TBX20: variants seen among roughly 807,000 people sequenced by gnomAD.
TBX20 encodes the protein T-box transcription factor TBX20.
A neutral mutation model predicts 42.9 loss-of-function variants in TBX20; 8 were observed. The observed-to-expected ratio is 0.19, with a 90% CI of 0.11 to 0.34. TBX20 has a LOEUF of 0.34. Ranked by LOEUF, TBX20 falls within the 10% of genes least tolerant of loss-of-function variation. TBX20 has a pLI of 1.00. For missense variants in TBX20, 411 were observed against 566.0 expected, an observed-to-expected ratio of 0.73 and a Z score of 2.78; for synonymous variants, 198 against 222.8, an observed-to-expected ratio of 0.89 and a Z score of 0.99.
In TBX20 at chr7:35,249,425, C is replaced by T. The variant is rs1186438083; in HGVS notation, c.380+526G>A. ...CTGGCCAAAGCCCGCCCGGCTCTGG[C>T]GCCAAGAGGCCCCGAGCAGTGCTCC... On this transcript the variant is annotated intron_variant, in intron 2 of 7. Transcript: ENST00000408931. The surrounding 1 kb of genome is among the most constrained non-coding windows in gnomAD (Gnocchi z 4.3). Among the ~76,000 whole-genome samples the T allele has an allele frequency of 6.6e-6, 1 of 152,256 alleles. No homozygotes were observed. Among genetic ancestry groups the T allele is most frequent in the East Asian group, 1.9e-4 (1 of 5,194 alleles).
At chr7:35,242,474 C>G (rs575379590) in intron 4 of TBX20, among the ~76,000 whole-genome samples, 1 of 152,164 alleles carries the variant, frequency 6.6e-6, no homozygotes, top group South Asian at 2.1e-4. Flanking sequence ...AGCAGCAAAA[C>G]CAAACATTTT....
chr7:35,253,448 C>T (rs370555343), intron 1 of TBX20, 46 bp downstream of exon 1: 3 of 1,585,610 alleles, frequency 1.9e-6, no homozygotes, highest in African/African-American at 1.3e-5. Context: ...CAGACGGATG[C>T]GCAGCATCCC....
At chr7:35,225,278 C>T (rs1375643460) in intron 6 of TBX20, among the ~76,000 whole-genome samples, 1 of 151,918 alleles carries the variant, frequency 6.6e-6, no homozygotes, top group East Asian at 1.9e-4. Context: ...ATGTGAGTCA[C>T]ATATGTAATT....
intron 6 of TBX20, among the ~76,000 whole-genome samples, chr7:35,224,515 A>G (rs573860598): frequency 1.1e-4 from 17 of 152,376 alleles, no homozygotes; most frequent in African/African-American, 3.4e-4. Context: ...TCTACTAAAA[A>G]TACAAAATTA....
At chr7:35,228,971 T>C (rs1429284182) in intron 6 of TBX20, among the ~76,000 whole-genome samples, 1 of 152,118 alleles carries the variant, frequency 6.6e-6, no homozygotes, top group Non-Finnish European at 1.5e-5. Flanking sequence ...CTAGTAAAAT[T>C]AGAGCAAGAA....
chr7:35,203,258 G>A (rs192207582), intron 7 of TBX20, among the ~76,000 whole-genome samples: 8 of 152,194 alleles, frequency 5.3e-5, no homozygotes, highest in Admixed American at 2.0e-4. Flanking sequence ...TTTTCTGACT[G>A]TATACAGTTG....
intron 6 of TBX20, among the ~76,000 whole-genome samples, chr7:35,217,002 C>T (rs1205626135): frequency 1.3e-5 from 2 of 151,886 alleles, no homozygotes; most frequent in African/African-American, 4.8e-5. Flanking sequence ...TTCGTAACTT[C>T]CACGAAATAT....
chr7:35,223,574 T>C (rs1185253866), intron 6 of TBX20, among the ~76,000 whole-genome samples: 5 of 151,880 alleles, frequency 3.3e-5, no homozygotes, highest in Non-Finnish European at 7.4e-5. Context: ...GAAGACTGAG[T>C]GGTCTGGGAA....
rs149868876 is a variant in TBX20 at position 35,232,645 on chromosome 7, A to C, written c.814-1065T>G. On this transcript the variant is annotated intron_variant, in intron 5 of 7. Coordinates refer to ENST00000408931, the MANE Select transcript of TBX20 (RefSeq NM_001077653.2). ...TCATCTCTAGAGAGAAATGCATGCT[A>C]AAGATTCTTAACAGGGGAAAAAAGT... Among the ~76,000 whole-genome samples, 292 of 152,348 alleles carry C rather than the reference A, an allele frequency of 1.9e-3. 1 individual carries two copies. Among genetic ancestry groups the C allele is most frequent in the African/African-American group, 6.8e-3 (281 of 41,594 alleles).
chr7:35,249,586 G>A lies in TBX20; in HGVS notation c.380+365C>T, dbSNP rs1223707660. ...CTACTCACCTACCTAGAAGCACCCAGCAGCTCACCAGGCACCCAGGCACAA... is the reference window on the plus strand; with the variant it reads ...CTACTCACCTACCTAGAAGCACCCAACAGCTCACCAGGCACCCAGGCACAA... On this transcript the variant is annotated intron_variant, in intron 2 of 7. Coordinates refer to ENST00000408931, the MANE Select transcript of TBX20 (RefSeq NM_001077653.2). The surrounding 1 kb of genome is among the most constrained non-coding windows in gnomAD (Gnocchi z 4.3). Among the ~76,000 whole-genome samples, 1 of 152,192 alleles carries A rather than the reference G, an allele frequency of 6.6e-6. No individual in the cohort carries two copies. The highest frequency in any genetic ancestry group is 2.4e-5 in the African/African-American group (1 of 41,444).
rs1170262156 is a variant in TBX20, at chr7:35,253,606, C to T, written c.15G>A (p.Ala5=). ...GAGAGGAGAGTTGGGGCTTGGGGGA[C>T]GCCGTGAACTCCATGGTCCCCAGCA... MEFT[A]SPKPQLSSRA... The change falls in exon 1 of 8, where the codon GCG becomes GCA. Residue 5 remains alanine, a synonymous_variant. Transcript: ENST00000408931. The T allele has an allele frequency of 6.2e-7, 1 of 1,611,714 alleles. No individual in the cohort carries two copies. Among genetic ancestry groups the T allele is most frequent in the Non-Finnish European group, 8.5e-7 (1 of 1,179,978 alleles).
intron 6 of TBX20, among the ~76,000 whole-genome samples, chr7:35,224,071 C>G (rs965668341): frequency 1.3e-5 from 2 of 152,094 alleles, no homozygotes; most frequent in African/African-American, 2.4e-5. Flanking sequence ...ATTTGACCAA[C>G]AAACAATGGA....
intron 7 of TBX20, among the ~76,000 whole-genome samples, chr7:35,203,097 A>G (rs1290441202): frequency 6.6e-6 from 1 of 152,192 alleles, no homozygotes; most frequent in African/African-American, 2.4e-5. Context: ...CAAATACCTG[A>G]TATCTGTTCT....
chr7:35,236,371 T>C (rs1303493691), intron 5 of TBX20, among the ~76,000 whole-genome samples: 1 of 152,058 alleles, frequency 6.6e-6, no homozygotes, highest in Non-Finnish European at 1.5e-5. Flanking sequence ...ATATTTACTT[T>C]ATTTCCTATA....
At chr7:35,226,370 T>C (rs1381283449) in intron 6 of TBX20, among the ~76,000 whole-genome samples, 2 of 150,590 alleles carry the variant, frequency 1.3e-5, no homozygotes, top group African/African-American at 2.4e-5. Context: ...ATAAGTAGCT[T>C]TTACAGCTCA....
intron 6 of TBX20, among the ~76,000 whole-genome samples, chr7:35,227,941 A>G (rs1169401402): frequency 1.3e-5 from 2 of 152,158 alleles, no homozygotes; most frequent in East Asian, 3.9e-4. Flanking sequence ...TACACTTTAA[A>G]ATGGTTAAAA....
rs1417603653 is a variant in TBX20, at chr7:35,250,065, G to A, written c.266C>T (p.Thr89Ile). ...CATTTCCTCACTGGGGATGATGGGG[G>A]TGGTGGGGATCAGTGGCTCAGTGCA... Reference protein sequence around the residue: ...SLCTEPLIPTTPIIPSEEMAK... With the variant: ...SLCTEPLIPTIPIIPSEEMAK... The change falls in exon 2 of 8, where the codon ACC becomes ATC. Residue 89 changes from threonine to isoleucine, a missense_variant. Thr to Ile is a moderately conservative substitution (Grantham distance 89, BLOSUM62 -1). Around this residue, in one of 5 missense-constraint regions of TBX20, gnomAD observed 114 missense variants for 128.0 expected, o/e 0.89. Coordinates refer to ENST00000408931, the MANE Select transcript of TBX20 (RefSeq NM_001077653.2). The A allele has an allele frequency of 1.2e-6, 2 of 1,614,040 alleles. No individual in the cohort carries two copies. Among genetic ancestry groups the A allele is most frequent in the South Asian group, 1.1e-5 (1 of 91,048 alleles).
chr7:35,205,851 T>G (rs1401343541), intron 6 of TBX20, among the ~76,000 whole-genome samples: 1 of 152,200 alleles, frequency 6.6e-6, no homozygotes, highest in Non-Finnish European at 1.5e-5. Context: ...CCACCTCTTA[T>G]AGTCAAAATA....
intron 6 of TBX20, among the ~76,000 whole-genome samples, chr7:35,217,351 C>T (rs531825722): frequency 6.6e-6 from 1 of 152,210 alleles, no homozygotes; most frequent in South Asian, 2.1e-4. Flanking sequence ...GATTACTCAG[C>T]TTAGAAATAA....
Sources: allele counts gnomAD v4.1 joint callset (sites outside exome capture counted in the v4.1 genomes callset), GRCh38; gene constraint gnomAD v4.1.1; regional missense constraint gnomAD v4.1.1; non-coding constraint Gnocchi (gnomAD v3.1); transcripts MANE v1.5; gene names NCBI Gene and HGNC (gene_info 2026-07-23, HGNC 2026-07-21).